ADA2: variants seen among roughly 807,000 people sequenced by gnomAD.
ADA2 encodes the protein adenosine deaminase 2, also known as adenosine deaminase CECR1.
In ADA2, 29 loss-of-function variants were observed where a neutral mutation model predicts 44.2. The observed-to-expected ratio is 0.66, with a 90% confidence interval of 0.49 to 0.89. The LOEUF (loss-of-function observed/expected upper bound fraction) is 0.89, where lower values mean the gene tolerates loss of function less well. ADA2 is among the 40% of genes least tolerant of loss of function. ADA2 has a pLI of 0.00. For synonymous variants in ADA2, 215 were observed against 234.9 expected, an observed-to-expected ratio of 0.92 and a Z score of 0.77; for missense variants, 637 against 644.8, an observed-to-expected ratio of 0.99 and a Z score of 0.13.
rs372455885 is a variant in ADA2, at chr22:17,194,946, G to A, written c.754-3136C>T. Among the ~76,000 whole-genome samples the A allele has an allele frequency of 9.7e-4, 147 of 151,600 alleles. 1 individual carries two copies. Among genetic ancestry groups the A allele is most frequent in the Admixed American group, 3.5e-3 (53 of 15,164 alleles). On this transcript the variant is annotated intron_variant, in intron 4 of 9. Transcript: ENST00000399837. The stretch of plus-strand genomic sequence containing the variant: ...TGAAGGTGTCGCCCTCCCCTCTCCC[G>A]TACCAGGAGAATCACCCTTACCACC...
Position 17,182,758 on chromosome 22 carries a change from C to T in ADA2, c.1085G>A (p.Trp362Ter), listed in dbSNP as rs755007390. 8 of 1,612,918 alleles carry T rather than the reference C, an allele frequency of 5.0e-6. No homozygotes were observed. In the South Asian group the frequency reaches 7.7e-5, roughly 16 times the overall value. ...GTTCCTGTCTATGGAAGTACCCTGC[C>T]AGTCTGAACACACGGGAATGGTCTT... ...PYFFHAGETD[W>*]QGTSIDRNIL... The change falls in exon 8 of 10, where the codon TGG (tryptophan) becomes TAG (stop). Residue 362 changes from tryptophan to a stop codon, truncating the protein, a stop_gained. Transcript: ENST00000399837. LOFTEE classifies it high-confidence loss of function.
intron 1 of ADA2, chr22:17,214,117 C>A (rs1395199721): frequency 1.4e-6 from 1 of 707,044 alleles, no homozygotes; most frequent in African/African-American, 1.8e-5. Flanking sequence ...CCTGGACACA[C>A]TCACGGAGCA....
At chr22:17,214,449 AT>A (rs753559658) in intron 1 of ADA2, among the ~76,000 whole-genome samples, 108 of 152,350 alleles carry the variant, frequency 7.1e-4, no homozygotes, top group Middle Eastern at 3.4e-3. Flanking sequence ...TGTCCGTACC[AT>A]GTAAAAATGT....
chr22:17,194,019 GAAAAAA>G (rs34572644), intron 4 of ADA2, among the ~76,000 whole-genome samples: 2 of 123,048 alleles, frequency 1.6e-5, no homozygotes, highest in Non-Finnish European at 3.4e-5. Context: ...AAAAAGGAAT[GAAAAAA>G]AAAAAAAAAA....
chr22:17,181,731 C>T (rs746116155), intron 9 of ADA2, 89 bp downstream of exon 9: 26 of 1,201,822 alleles, frequency 2.2e-5, no homozygotes, highest in Non-Finnish European at 2.9e-5. Context: ...CAGGAACCAT[C>T]GAGGCATCTG....
At chr22:17,204,701 G>A (rs1245720635) in intron 3 of ADA2, among the ~76,000 whole-genome samples, 3 of 151,436 alleles carry the variant, frequency 2.0e-5, no homozygotes, top group Non-Finnish European at 4.4e-5. Flanking sequence ...CCTTCTGCAC[G>A]CCAAGGACAG....
chr22:17,205,757 C>T (rs2062347407), intron 3 of ADA2, among the ~76,000 whole-genome samples: 2 of 151,872 alleles, frequency 1.3e-5, no homozygotes, highest in African/African-American at 2.4e-5. Context: ...GGTGAGAGGA[C>T]GGCTTGAGCC....
chr22:17,203,651 GGTGC>G lies in ADA2; in HGVS notation c.661_664del (p.Ala221GlnfsTer45), dbSNP rs766602945. ...CCGGAAGACATAGTCTCTGAACACT[GGTGC>G]GTAATGGATGAGACCAGAGATGGTG... On this transcript the variant is annotated frameshift_variant, in exon 4 of 10. Transcript: ENST00000399837. LOFTEE classifies it high-confidence loss of function. The G allele has an allele frequency of 5.0e-6, 8 of 1,613,834 alleles. No homozygotes were observed. Among genetic ancestry groups the G allele is most frequent in the Non-Finnish European group, 6.8e-6 (8 of 1,179,856 alleles).
Position 17,182,485 on chromosome 22 carries a change from G to A in ADA2, c.1239+119C>T, listed in dbSNP as rs956978063. On this transcript the variant is annotated intron_variant, in intron 8 of 9. Transcript: ENST00000399837. ...ACTTTACTAACAGGGGTAGGAGAGT[G>A]GAGGGATGTAGGTAACAAGAGAGTT... 6 of 1,010,162 alleles carry A rather than the reference G, an allele frequency of 5.9e-6. No homozygotes were observed. In the African/African-American group the frequency reaches 8.0e-5, roughly 13 times the overall value. 62.6% of individuals were successfully genotyped at this position (1,010,162 alleles called of 1,614,324 possible).
upstream of ADA2, among the ~76,000 whole-genome samples, chr22:17,220,607 A>G (rs2062516063): frequency 6.6e-6 from 1 of 152,102 alleles, no homozygotes; most frequent in African/African-American, 2.4e-5. Flanking sequence ...AAATGCAGAC[A>G]TGGGAGGCTA....
At chr22:17,218,923 G>A (rs1446878525) in intron 1 of ADA2, among the ~76,000 whole-genome samples, 4 of 152,170 alleles carry the variant, frequency 2.6e-5, no homozygotes, top group Non-Finnish European at 5.9e-5. Flanking sequence ...TTGGAAGGCC[G>A]AGGCAGGCAG....
In ADA2 at chr22:17,204,455, A is replaced by G. The variant is rs536249034; in HGVS notation, c.543-682T>C. 3.3e-5 allele frequency among the ~76,000 whole-genome samples: 5 copies of G among 151,802 alleles called. No homozygotes were observed. In the East Asian group the frequency reaches 9.7e-4, roughly 29 times the overall value. On this transcript the variant is annotated intron_variant, in intron 3 of 9. Coordinates refer to ENST00000399837, the MANE Select transcript of ADA2 (RefSeq NM_001282225.2). ...AACATAGTGAAACCCCATCTCTACT[A>G]AAATACAAAAATCAGCCAGGCGTGG...
upstream of ADA2, among the ~76,000 whole-genome samples, chr22:17,221,313 G>C (rs1415875196): frequency 6.6e-6 from 1 of 151,836 alleles, no homozygotes; most frequent in Non-Finnish European, 1.5e-5. Context: ...TATACTTTAA[G>C]TTCTAGGGTA....
intron 7 of ADA2, among the ~76,000 whole-genome samples, chr22:17,186,952 G>A (rs2062042689): frequency 6.6e-6 from 1 of 151,864 alleles, no homozygotes; most frequent in African/African-American, 2.4e-5. Flanking sequence ...GGATCACAAG[G>A]TCAGGCGATC....
At chr22:17,201,390 G>A (rs1485690141) in intron 4 of ADA2, among the ~76,000 whole-genome samples, 3 of 152,082 alleles carry the variant, frequency 2.0e-5, no homozygotes, top group Non-Finnish European at 2.9e-5. Context: ...AGTAAACTTC[G>A]GAGCGTATAA....
intron 4 of ADA2, among the ~76,000 whole-genome samples, chr22:17,197,031 G>A (rs2062199987): frequency 6.6e-6 from 1 of 151,954 alleles, no homozygotes; most frequent in Non-Finnish European, 1.5e-5. Context: ...AAATTAGCCG[G>A]GCATGGTGAT....
rs749240880 is a variant in ADA2, at chr22:17,203,705, C to T, written c.611G>A (p.Trp204Ter). 3 of 1,614,032 alleles carry T rather than the reference C, an allele frequency of 1.9e-6. No homozygotes were observed. The highest frequency in any genetic ancestry group is 8.5e-7 in the Non-Finnish European group (1 of 1,180,014). ...EVIYTNQNVV[W>*]SKFETIFFTI... Reference sequence around the variant, plus strand: ...GAAGAAGATGGTTTCAAATTTCGACCAGACAACATTTTGGTTTGTGTAAAT... The same window carrying T: ...GAAGAAGATGGTTTCAAATTTCGACTAGACAACATTTTGGTTTGTGTAAAT... The change falls in exon 4 of 10, where the codon TGG becomes TAG. Residue 204 changes from tryptophan (W) to a stop codon, truncating the protein, a stop_gained. Coordinates refer to ENST00000399837, the MANE Select transcript of ADA2 (RefSeq NM_001282225.2). LOFTEE classifies it high-confidence loss of function.
At chr22:17,204,056 C>CCT (rs1382955108) in intron 3 of ADA2, among the ~76,000 whole-genome samples, 4 of 152,002 alleles carry the variant, frequency 2.6e-5, no homozygotes, top group Non-Finnish European at 5.9e-5. Context: ...TCCTGTCCTC[C>CCT]CTCTGTATGC....
At chr22:17,194,379 C>T (rs1021010984) in intron 4 of ADA2, among the ~76,000 whole-genome samples, 1 of 152,210 alleles carries the variant, frequency 6.6e-6, no homozygotes, top group African/African-American at 2.4e-5. Flanking sequence ...GCCTAGGGGC[C>T]TCCCACACCC....
Sources: allele counts gnomAD v4.1 joint callset (sites outside exome capture counted in the v4.1 genomes callset), GRCh38; gene constraint gnomAD v4.1.1; transcripts MANE v1.5; gene names NCBI Gene and HGNC (gene_info 2026-07-23, HGNC 2026-07-21).